CDC42BPB: variants seen among roughly 807,000 people sequenced by gnomAD.
The protein encoded by CDC42BPB is CDC42 binding protein kinase beta, also known as serine/threonine-protein kinase MRCK beta.
Under a neutral mutation model 214.9 loss-of-function variants are expected in CDC42BPB, and 37 were observed. The ratio of observed to expected loss-of-function variants is 0.17; its 90% CI spans 0.13 to 0.23. CDC42BPB has a LOEUF of 0.23. CDC42BPB is among the 10% of genes least tolerant of loss of function. The pLI, the probability that CDC42BPB is intolerant of heterozygous loss-of-function variation, is 1.00. For synonymous variants in CDC42BPB, 931 were observed against 884.0 expected (o/e 1.05, Z -0.94); for missense variants, 1,694 against 2,227.0 (o/e 0.76, Z 4.82).
chr14:102,983,011 G>A (rs904950832), intron 7 of CDC42BPB, among the ~76,000 whole-genome samples: 13 of 152,112 alleles, frequency 8.5e-5, no homozygotes, highest in African/African-American at 3.1e-4. Context: ...TGAACAGTTC[G>A]GAAAGGGAAG....
chr14:102,949,708 G>A, intron 26 of CDC42BPB, 57 bp downstream of exon 26: 2 of 1,605,718 alleles, frequency 1.2e-6, no homozygotes, highest in Non-Finnish European at 1.7e-6. Flanking sequence ...CGTCCTTTTG[G>A]CTAAAGATAG....
intron 36 of CDC42BPB, chr14:102,934,147 A>G (rs1268961441): frequency 3.3e-6 from 2 of 605,164 alleles, no homozygotes; most frequent in Non-Finnish European, 4.5e-6. Context: ...CTGTAATCCC[A>G]GCACTTTGGG....
rs1026774459 is a variant in CDC42BPB, at chr14:102,983,473, C to T, written c.891+83G>A. 148 of 1,567,108 alleles carry T rather than the reference C, an allele frequency of 9.4e-5. 1 individual carries two copies. Among genetic ancestry groups the T allele is most frequent in the Admixed American group, 1.8e-4 (10 of 55,516 alleles). The stretch of plus-strand genomic sequence containing the variant: ...CTCAACTACTCGCGTTGCTTCCTAA[C>T]GGATCTTCCTGCACTAGTTGTGCTC... On this transcript the variant is annotated intron_variant, in intron 7 of 36. Transcript: ENST00000361246.
At chr14:102,934,035 T>C (rs1891519051) in intron 36 of CDC42BPB, 192 bp from the exon 37 acceptor site, 6 of 1,351,122 alleles carry the variant, frequency 4.4e-6, no homozygotes, top group Non-Finnish European at 5.7e-6. Context: ...AGTCACAAAT[T>C]GATGTCTAAT....
intron 8 of CDC42BPB, chr14:102,978,478 G>T: frequency 4.0e-6 from 1 of 249,474 alleles, no homozygotes; most frequent in Non-Finnish European, 6.4e-6. Flanking sequence ...CCAGGTTAGT[G>T]ATTTTCAAAG....
At chr14:103,053,518 T>C (rs1442980407) in intron 1 of CDC42BPB, among the ~76,000 whole-genome samples, 2 of 151,702 alleles carry the variant, frequency 1.3e-5, no homozygotes, top group African/African-American at 4.8e-5. Flanking sequence ...TCCAAGAACT[T>C]TGGGAGGCCA....
chr14:102,968,439 A>G (rs773338584), intron 15 of CDC42BPB, 33 bp downstream of exon 15: 9 of 1,613,478 alleles, frequency 5.6e-6, no homozygotes, highest in South Asian at 5.5e-5. Context: ...ATCAGCTTGC[A>G]TCTTCTGAAC....
At position 102,964,554 on chromosome 14, in the gene CDC42BPB, G is replaced by A; in HGVS notation, c.2674C>T (p.Leu892Phe). 1 of 1,613,874 alleles carries A rather than the reference G, an allele frequency of 6.2e-7. No homozygotes were observed. The highest frequency in any genetic ancestry group is 1.3e-5 in the African/African-American group (1 of 75,054). Reference protein sequence around the residue: ...ALEAEIRAKQLVQEELRKVKD... With the variant: ...ALEAEIRAKQFVQEELRKVKD... The stretch of plus-strand genomic sequence containing the variant: ...ACCTTCCTGAGCTCCTCCTGGACAA[G>A]CTGCTTGGCCCGGATCTCCGCCTCC... Residue 892 changes from leucine (L) to phenylalanine (F), a missense_variant, in exon 19 of 37, where the codon CTT becomes TTT. By Grantham distance (22) the Leu-to-Phe change is conservative. Around this residue, in one of 7 missense-constraint regions of CDC42BPB, gnomAD observed 156 missense variants for 154.5 expected, o/e 1.01. Transcript: ENST00000361246.
At chr14:103,007,025 G>A (rs1885866687) in intron 3 of CDC42BPB, among the ~76,000 whole-genome samples, 1 of 152,178 alleles carries the variant, frequency 6.6e-6, no homozygotes, top group Admixed American at 6.5e-5. Context: ...GGGGCTGAGG[G>A]CAGGCCCAGC....
intron 9 of CDC42BPB, among the ~76,000 whole-genome samples, chr14:102,977,113 G>A (rs1025492628): frequency 2.0e-5 from 3 of 152,012 alleles, no homozygotes; most frequent in Admixed American, 1.3e-4. Context: ...AGGCCGAGGC[G>A]GGGAGATCAC....
intron 11 of CDC42BPB, 53 bp from the exon 12 acceptor site, chr14:102,974,202 A>T: frequency 1.3e-6 from 2 of 1,590,904 alleles, no homozygotes; most frequent in Non-Finnish European, 1.7e-6. Flanking sequence ...GACTATATGT[A>T]AACTTTATGT....
chr14:103,043,572 C>T (rs1200815685), intron 1 of CDC42BPB, among the ~76,000 whole-genome samples: 3 of 151,708 alleles, frequency 2.0e-5, no homozygotes, highest in Admixed American at 1.3e-4. Context: ...GCGGTGATGG[C>T]GAAGATGGTT....
intron 27 of CDC42BPB, among the ~76,000 whole-genome samples, chr14:102,947,391 T>C (rs911564048): frequency 3.3e-5 from 5 of 152,196 alleles, no homozygotes; most frequent in Admixed American, 3.3e-4. Flanking sequence ...CCTTCATGCC[T>C]AACCTGCCAC....
chr14:102,973,869 G>A (rs1893603118), intron 12 of CDC42BPB, 147 bp downstream of exon 12: 6 of 1,044,290 alleles, frequency 5.7e-6, no homozygotes, highest in Non-Finnish European at 5.4e-6. Context: ...GGGCCCCGGG[G>A]CCAGGCTTGG....
chr14:102,966,197 A>C, intron 18 of CDC42BPB, 85 bp downstream of exon 18: 1 of 1,045,356 alleles, frequency 9.6e-7, no homozygotes, highest in Non-Finnish European at 1.5e-6. Flanking sequence ...GTAATTCCCT[A>C]AATAGTACTT....
chr14:103,022,423 G>A (rs1024995213), intron 1 of CDC42BPB, among the ~76,000 whole-genome samples: 1 of 152,144 alleles, frequency 6.6e-6, no homozygotes, highest in Non-Finnish European at 1.5e-5. Flanking sequence ...GCACAGTGAT[G>A]CCATCACGGC....
chr14:102,970,009 C>T (rs1195742063), intron 14 of CDC42BPB, 142 bp downstream of exon 14: 1 of 602,610 alleles, frequency 1.7e-6, no homozygotes, highest in Non-Finnish European at 2.9e-6. Context: ...CCCCCCACCT[C>T]TCCACATGTG....
chr14:102,962,984 G>A, intron 20 of CDC42BPB, 77 bp downstream of exon 20: 1 of 727,234 alleles, frequency 1.4e-6, no homozygotes, highest in East Asian at 2.7e-5. Context: ...TAACTATTAA[G>A]TCGAAAAGAA....
At chr14:103,034,137 C>CT (rs1887539787) in intron 1 of CDC42BPB, among the ~76,000 whole-genome samples, 1 of 152,152 alleles carries the variant, frequency 6.6e-6, no homozygotes, top group Admixed American at 6.5e-5. Flanking sequence ...AAATGTTTAT[C>CT]TAAGTCTTCC....
Sources: gnomAD v4.1 joint callset for allele counts (sites outside exome capture counted in the v4.1 genomes callset) on GRCh38, gnomAD v4.1.1 for gene constraint, gnomAD v4.1.1 regional missense constraint, MANE v1.5 for transcripts, NCBI Gene and HGNC (gene_info 2026-07-23, HGNC 2026-07-21) for gene names.